LARGE1: variants seen among roughly 807,000 people sequenced by gnomAD.
LARGE1 encodes xylosyl- and glucuronyltransferase LARGE1.
Under a neutral mutation model 87.6 loss-of-function variants are expected in LARGE1, and 43 were observed. The ratio of observed to expected loss-of-function variants is 0.49; its 90% confidence interval spans 0.38 to 0.63. LARGE1 has a LOEUF of 0.63. Among genes scored for constraint, LARGE1 ranks in the 30% least tolerant of loss-of-function variants. The probability of loss-of-function intolerance (pLI) is 0.00; values close to 1 mark genes in which losing one functional copy is unlikely to be tolerated. For synonymous variants in LARGE1, 434 were observed against 394.6 expected, an observed-to-expected ratio of 1.10 and a Z score of -1.18; for missense variants, 802 against 1,000.2, an observed-to-expected ratio of 0.80 and a Z score of 2.67.
chr22:33,922,202 G>A (rs1346045120), upstream of LARGE1, among the ~76,000 whole-genome samples: 1 of 147,546 alleles, frequency 6.8e-6, no homozygotes, highest in Non-Finnish European at 1.5e-5. Context: ...GATGGGCTGG[G>A]GAGGGGGCGC....
chr22:33,274,345 T>A lies in LARGE1; in HGVS notation c.*82A>T, dbSNP rs1928723223. ...ACAAACCGAAAAAGCATGGCTCAAT[T>A]TTGAATTTGAAGGCCGGGCCCCAAA... On this transcript the variant is annotated 3_prime_UTR_variant, in exon 15 of 15. Coordinates refer to ENST00000397394, the MANE Select transcript of LARGE1 (RefSeq NM_133642.5). The A allele has an allele frequency of 7.0e-7, 1 of 1,423,876 alleles. No individual in the cohort carries two copies. Among genetic ancestry groups the A allele is most frequent in the Admixed American group, 1.7e-5 (1 of 59,762 alleles). The allele number at this position is 1,423,876 out of a possible 1,614,324, so 88.2% of individuals were successfully genotyped here. A position where few individuals can be genotyped will look rare whatever the true frequency, so the allele number is the denominator to read the frequency against.
chr22:33,501,362 C>T (rs1014170306), intron 6 of LARGE1, among the ~76,000 whole-genome samples: 1 of 152,142 alleles, frequency 6.6e-6, no homozygotes. Context: ...TGGGAGATCG[C>T]CTCTGTGTTT....
At chr22:33,842,255 G>A (rs2063302228) in intron 1 of LARGE1, among the ~76,000 whole-genome samples, 2 of 152,038 alleles carry the variant, frequency 1.3e-5, no homozygotes, top group African/African-American at 4.8e-5. Flanking sequence ...CTGGCGATTC[G>A]CAACTCGAAA....
chr22:33,659,083 T>C lies in LARGE1; in HGVS notation c.107-8415A>G, dbSNP rs889165934. The stretch of plus-strand genomic sequence containing the variant: ...TGCTCCTCGGCATCGCCCTGCTTCC[T>C]GGAAGACAGTCTCCTTCAAAAGCAG... On this transcript the variant is annotated intron_variant, in intron 2 of 14. Coordinates refer to ENST00000397394, the MANE Select transcript of LARGE1 (RefSeq NM_133642.5). Among the ~76,000 whole-genome samples, 9 of 152,326 alleles carry C rather than the reference T, an allele frequency of 5.9e-5. No individual in the cohort carries two copies. In the East Asian group the frequency reaches 1.7e-3, roughly 29 times the overall value.
At chr22:33,410,431 G>A (rs1432373728) in intron 7 of LARGE1, among the ~76,000 whole-genome samples, 1 of 151,904 alleles carries the variant, frequency 6.6e-6, no homozygotes, top group Non-Finnish European at 1.5e-5. Context: ...TGGGGGCGGG[G>A]GGCGGTTTCC....
rs145090375 is a variant in LARGE1, at chr22:33,330,733, G to A, written c.1287+6913C>T. 2.9e-3 allele frequency among the ~76,000 whole-genome samples: 436 copies of A among 152,300 alleles called. 8 individuals are homozygous for A. Among genetic ancestry groups the A allele is most frequent in the East Asian group, 1.5e-3 (8 of 5,188 alleles). ...TAGCACTGGGGGAGCCTGTTCTCTT[G>A]CAAATCAAACTGTCTTGTCCTAGAG... On this transcript the variant is annotated intron_variant, in intron 10 of 14. Coordinates refer to ENST00000397394, the MANE Select transcript of LARGE1 (RefSeq NM_133642.5).
intron 6 of LARGE1, chr22:33,436,807 T>C (rs2067289176): frequency 6.6e-6 from 1 of 152,612 alleles, no homozygotes; most frequent in Admixed American, 6.5e-5. Context: ...AGAGCAGACC[T>C]CCTCTGTGAG....
chr22:33,236,903 T>A (rs958980723), intron 11 of LARGE1, among the ~76,000 whole-genome samples: 3 of 152,114 alleles, frequency 2.0e-5, no homozygotes, highest in Non-Finnish European at 2.9e-5. Flanking sequence ...CCTGTATAGG[T>A]TAGGAGATTT....
At chr22:33,156,209 G>A in the LARGE1 span, among the ~76,000 whole-genome samples, 1 of 152,164 alleles carries the variant, frequency 6.6e-6, no homozygotes, top group African/African-American at 2.4e-5. Context: ...GTGGAGCTGT[G>A]AGAAGAGGGC....
intron 1 of LARGE1, among the ~76,000 whole-genome samples, chr22:33,896,911 G>A (rs531860286): frequency 1.5e-3 from 228 of 152,236 alleles, no homozygotes; most frequent in African/African-American, 5.2e-3. Flanking sequence ...AACCTTCCCC[G>A]CCGACCAGAC....
At chr22:33,753,814 C>T (rs2084407848) in intron 2 of LARGE1, among the ~76,000 whole-genome samples, 1 of 152,162 alleles carries the variant, frequency 6.6e-6, no homozygotes, top group East Asian at 1.9e-4. Context: ...AATCCCAGTA[C>T]TTTGGGAGGC....
At chr22:33,126,041 C>G in the LARGE1 span, among the ~76,000 whole-genome samples, 1 of 152,186 alleles carries the variant, frequency 6.6e-6, no homozygotes, top group Non-Finnish European at 1.5e-5. Flanking sequence ...AGCCACAGCG[C>G]CCGGCTGGAA....
the LARGE1 span, among the ~76,000 whole-genome samples, chr22:33,067,027 T>C: frequency 2.0e-5 from 3 of 152,046 alleles, no homozygotes; most frequent in Non-Finnish European, 1.5e-5. Flanking sequence ...TGAGACTGGA[T>C]GCTGAGTTCC....
intron 6 of LARGE1, among the ~76,000 whole-genome samples, chr22:33,534,523 G>C (rs981416677): frequency 3.3e-5 from 5 of 152,180 alleles, no homozygotes; most frequent in African/African-American, 1.2e-4. Context: ...AGAGCTGCTA[G>C]CCAGGCATGG....
intron 6 of LARGE1, among the ~76,000 whole-genome samples, chr22:33,437,219 T>C (rs1202765880): frequency 6.6e-6 from 1 of 152,184 alleles, no homozygotes; most frequent in African/African-American, 2.4e-5. Context: ...GCAGGGTGAC[T>C]GGCACATAAT....
intron 5 of LARGE1, among the ~76,000 whole-genome samples, chr22:33,602,661 G>A (rs144798705): frequency 2.2e-4 from 33 of 151,812 alleles, no homozygotes; most frequent in African/African-American, 5.6e-4. Flanking sequence ...GGTGTGTGCC[G>A]TCACACTTGG....
intron 2 of LARGE1, among the ~76,000 whole-genome samples, chr22:33,751,460 G>C (rs1192351312): frequency 6.6e-6 from 1 of 151,152 alleles, no homozygotes; most frequent in Non-Finnish European, 1.5e-5. Context: ...GCTCCAGCCT[G>C]GGAGACAGAT....
chr22:33,764,828 A>G (rs2084849417), intron 1 of LARGE1, among the ~76,000 whole-genome samples: 1 of 152,248 alleles, frequency 6.6e-6, no homozygotes. Context: ...CTACATAAAT[A>G]GTTATACCGT....
At chr22:33,729,293 C>T (rs2083380085) in intron 2 of LARGE1, among the ~76,000 whole-genome samples, 1 of 152,152 alleles carries the variant, frequency 6.6e-6, no homozygotes, top group South Asian at 2.1e-4. Flanking sequence ...CTGCAATCAA[C>T]CATCCAATTT....
Sources: gnomAD v4.1 joint callset for allele counts (sites outside exome capture counted in the v4.1 genomes callset) on GRCh38, gnomAD v4.1.1 for gene constraint, MANE v1.5 for transcripts, NCBI Gene and HGNC (gene_info 2026-07-23, HGNC 2026-07-21) for gene names.